Variants in MED12L observed in about 807,000 individuals in gnomAD.
MED12L encodes the protein mediator of RNA polymerase II transcription subunit 12-like protein.
MED12L carries 60 observed loss-of-function variants against 281.3 expected under a neutral mutation model. That is an observed-to-expected ratio of 0.21 (90% CI 0.17 to 0.26). The LOEUF (loss-of-function observed/expected upper bound fraction) is 0.26, where lower values mean the gene tolerates loss of function less well. Among genes scored for constraint, MED12L ranks in the 10% least tolerant of loss-of-function variants. The probability of loss-of-function intolerance (pLI) is 1.00; values close to 1 mark genes in which losing one functional copy is unlikely to be tolerated. For synonymous variants in MED12L, 974 were observed against 987.2 expected (o/e 0.99, Z 0.25); for missense variants, 2,146 against 2,680.9 (o/e 0.80, Z 4.41).
intron 2 of MED12L, 76 bp downstream of exon 2, chr3:151,087,101 G>A (rs1478178002): frequency 2.5e-6 from 3 of 1,214,954 alleles, no homozygotes; most frequent in Non-Finnish European, 3.4e-6. Flanking sequence ...TTGGCCCAGC[G>A]GGCATCGCCG....
At chr3:151,198,387 C>A in intron 16 of MED12L, 1 of 1,341,702 alleles carries the variant, frequency 7.5e-7, no homozygotes, top group Non-Finnish European at 1.0e-6. Context: ...ACTTTATGGT[C>A]CAGTAAGGCC....
intron 16 of MED12L, chr3:151,336,742 T>C: frequency 3.1e-6 from 1 of 322,666 alleles, no homozygotes; most frequent in Non-Finnish European, 6.1e-6. Flanking sequence ...TAACATGTAA[T>C]AAAGGTGTTG....
At chr3:151,337,961 C>T (rs1310733481) in intron 16 of MED12L, 13 of 1,613,934 alleles carry the variant, frequency 8.1e-6, no homozygotes, top group African/African-American at 2.7e-5. Flanking sequence ...AATAGATGAA[C>T]GGATCCAGGC....
intron 26 of MED12L, among the ~76,000 whole-genome samples, chr3:151,371,194 A>G (rs1430446605): frequency 6.6e-6 from 1 of 151,848 alleles, no homozygotes; most frequent in African/African-American, 2.4e-5. Flanking sequence ...TAATTTATCC[A>G]CCCTACCATG....
At chr3:151,251,382 A>ATT (rs370035984) in intron 16 of MED12L, among the ~76,000 whole-genome samples, 4 of 147,936 alleles carry the variant, frequency 2.7e-5, no homozygotes, top group Non-Finnish European at 6.0e-5. Flanking sequence ...AAGCCTGGTG[A>ATT]TTTTTTTTTT....
intron 16 of MED12L, among the ~76,000 whole-genome samples, chr3:151,206,071 A>ATTTT (rs60866327): frequency 6.4e-5 from 8 of 124,178 alleles, no homozygotes; most frequent in Non-Finnish European, 8.6e-5. Context: ...AAAGAAAATA[A>ATTTT]TTTTTTTTTT....
At chr3:151,236,680 G>A (rs761079512) in intron 16 of MED12L, among the ~76,000 whole-genome samples, 12 of 152,226 alleles carry the variant, frequency 7.9e-5, no homozygotes, top group Non-Finnish European at 1.3e-4. Context: ...CTAAAAGTGT[G>A]TGTGAATGAA....
chr3:151,368,593 TTA>T (rs1755586978), intron 25 of MED12L, among the ~76,000 whole-genome samples: 1 of 50,018 alleles, frequency 2.0e-5, no homozygotes, highest in Non-Finnish European at 3.7e-5. Flanking sequence ...GTGATTTATT[TTA>T]TTTTATTTTA....
intron 27 of MED12L, among the ~76,000 whole-genome samples, 163 bp downstream of exon 27, chr3:151,372,929 A>G (rs1041941276): frequency 1.3e-5 from 2 of 152,134 alleles, no homozygotes; most frequent in African/African-American, 4.8e-5. Flanking sequence ...AATTATTTTT[A>G]AAAAACTCAT....
chr3:151,213,720 A>T, intron 16 of MED12L: 1 of 1,614,228 alleles, frequency 6.2e-7, no homozygotes, highest in Non-Finnish European at 8.5e-7. Context: ...TTAACAAAAG[A>T]AACACAATCC....
intron 6 of MED12L, among the ~76,000 whole-genome samples, chr3:151,157,899 T>C (rs909771555): frequency 6.6e-6 from 1 of 152,210 alleles, no homozygotes; most frequent in Admixed American, 6.5e-5. Context: ...GTTTTTTGTT[T>C]CTTTCTTTCA....
chr3:151,423,824 TTG>T (rs1443169597), intron 43 of MED12L, among the ~76,000 whole-genome samples: 1 of 152,198 alleles, frequency 6.6e-6, no homozygotes, highest in Non-Finnish European at 1.5e-5. Context: ...TAAACTCAGG[TTG>T]TCTTAGTTTG....
In MED12L at chr3:151,260,798, CT is replaced by C. The variant is rs1021931635; in HGVS notation, c.2250+67141del. On this transcript the variant is annotated intron_variant, in intron 16 of 44. Transcript: ENST00000687756. ...CTGTATTCTTGTAAATAACTGTAAT[CT>C]TTTTTTTTCTCTTCAGAATACTGTT... Among the ~76,000 whole-genome samples, 7 of 151,818 alleles carry C rather than the reference CT, an allele frequency of 4.6e-5. No homozygotes were observed. The East Asian group carries it at 5.8e-4, about 13-fold the overall frequency.
At chr3:151,154,811 G>A (rs190440959) in intron 5 of MED12L, among the ~76,000 whole-genome samples, 47 of 152,328 alleles carry the variant, frequency 3.1e-4, no homozygotes, top group African/African-American at 1.1e-3. Flanking sequence ...AGAACATGAT[G>A]ACATAGATAG....
Position 151,436,471 on chromosome 3 carries a change from A to T in MED12L, c.*3667A>T, listed in dbSNP as rs1720232401. The T allele has an allele frequency of 2.4e-6, 1 of 419,106 alleles. No individual in the cohort carries two copies. The highest frequency in any genetic ancestry group is 4.7e-5 in the South Asian group (1 of 21,114). The allele number at this position is 419,106 out of a possible 1,614,324, so 26.0% of individuals were successfully genotyped here. A position where few individuals can be genotyped will look rare whatever the true frequency, so the allele number is the denominator to read the frequency against. On this transcript the variant is annotated 3_prime_UTR_variant, in exon 45 of 45. Transcript: ENST00000687756. Reference sequence around the variant, plus strand: ...TATTGTTATTTGTTGGCAAAATAAAAGTGCCTTAAGTTAAAAGTTTGTTTT... The same window carrying T: ...TATTGTTATTTGTTGGCAAAATAAATGTGCCTTAAGTTAAAAGTTTGTTTT...
chr3:151,132,339 C>T lies in MED12L; in HGVS notation c.556+4355C>T, dbSNP rs1314092487. 6.6e-5 allele frequency among the ~76,000 whole-genome samples: 10 copies of T among 152,208 alleles called. No homozygotes were observed. In the East Asian group the frequency reaches 1.7e-3, roughly 26 times the overall value. On this transcript the variant is annotated intron_variant, in intron 5 of 44. Coordinates refer to ENST00000687756, the MANE Select transcript of MED12L (RefSeq NM_001393769.1). ...TGATTCAATCCAGTGTCTGTGTTGC[C>T]TTTGTCATGTTTTTTTAGTTGTCTT...
At chr3:151,331,308 G>A (rs1158323174) in intron 16 of MED12L, among the ~76,000 whole-genome samples, 1 of 152,226 alleles carries the variant, frequency 6.6e-6, no homozygotes, top group Non-Finnish European at 1.5e-5. Flanking sequence ...TGAAGACACA[G>A]CTGAGAAGCT....
chr3:151,384,514 ACT>A (rs1712975506), intron 35 of MED12L, among the ~76,000 whole-genome samples: 1 of 152,180 alleles, frequency 6.6e-6, no homozygotes, highest in Admixed American at 6.5e-5. Flanking sequence ...ATTTAGGATA[ACT>A]CTATGCTTGG....
At chr3:151,383,988 G>A (rs1278477648) in intron 34 of MED12L, 95 bp from the exon 35 acceptor site, 21 of 1,487,116 alleles carry the variant, frequency 1.4e-5, no homozygotes, top group East Asian at 4.7e-5. Flanking sequence ...TTACTTGGAT[G>A]CTATTAAAAA....
Sources: allele counts gnomAD v4.1 joint callset (sites outside exome capture counted in the v4.1 genomes callset), GRCh38; gene constraint gnomAD v4.1.1; transcripts MANE v1.5; gene names NCBI Gene and HGNC (gene_info 2026-07-23, HGNC 2026-07-21).